AKAIN1: variants seen among roughly 807,000 people sequenced by gnomAD.
AKAIN1 encodes A-kinase anchor protein inhibitor 1.
A neutral mutation model predicts 3.7 loss-of-function variants in AKAIN1; 3 were observed. That is an observed-to-expected ratio of 0.82 (90% CI 0.37 to 2.12). AKAIN1 has a LOEUF of 2.12. Among genes scored for constraint, AKAIN1 ranks in the 30% most tolerant of loss-of-function variants. The pLI, the probability that AKAIN1 is intolerant of heterozygous loss-of-function variation, is 0.06. For synonymous variants in AKAIN1, 31 were observed against 30.8 expected (o/e 1.01, Z -0.02); for missense variants, 82 against 82.7 (o/e 0.99, Z 0.03).
intron 1 of AKAIN1, among the ~76,000 whole-genome samples, chr18:5,191,023 C>T (rs991805027): frequency 5.3e-5 from 8 of 152,084 alleles, no homozygotes; most frequent in African/African-American, 1.9e-4. Context: ...TAGAAGGAAA[C>T]TTCTCTAACC....
chr18:5,147,515 G>A (rs191896069), intron 1 of AKAIN1, among the ~76,000 whole-genome samples: 3 of 152,206 alleles, frequency 2.0e-5, no homozygotes, highest in Admixed American at 6.5e-5. Flanking sequence ...TCCTCTACAC[G>A]AATATGCTCA....
intron 1 of AKAIN1, among the ~76,000 whole-genome samples, chr18:5,171,920 C>A (rs551054149): frequency 6.6e-6 from 1 of 152,022 alleles, no homozygotes; most frequent in Non-Finnish European, 1.5e-5. Context: ...TCCACAAAAG[C>A]CAAGATTTGG....
chr18:5,152,232 C>T (rs1167915314), intron 1 of AKAIN1, among the ~76,000 whole-genome samples: 1 of 152,200 alleles, frequency 6.6e-6, no homozygotes, highest in African/African-American at 2.4e-5. Flanking sequence ...GTTGTTCCTA[C>T]AGACAGGATA....
At chr18:5,187,278 C>A (rs571126216) in intron 1 of AKAIN1, among the ~76,000 whole-genome samples, 1 of 152,198 alleles carries the variant, frequency 6.6e-6, no homozygotes, top group Non-Finnish European at 1.5e-5. Context: ...AACTAATAAA[C>A]CTGTAGCCAC....
chr18:5,167,362 T>C (rs1043403521), intron 1 of AKAIN1, among the ~76,000 whole-genome samples: 1 of 152,090 alleles, frequency 6.6e-6, no homozygotes. Flanking sequence ...AACCAATCAC[T>C]GGCAATGGAA....
chr18:5,145,573 C>T lies in AKAIN1; in HGVS notation c.199G>A (p.Glu67Lys), dbSNP rs941724144. The change falls in exon 2 of 2, where the codon GAA (glutamate) becomes AAA (lysine). Residue 67 changes from glutamate to lysine, a missense_variant. Transcript: ENST00000434239. ...LGVGELTKKHEKK is the reference protein window; with the variant it reads ...LGVGELTKKHKKK ...CCAAATCCACCATGTTACTTCTTTT[C>T]GTGCTTCTTGGTTAACTCCCCAACG... 48 of 1,551,138 alleles carry T rather than the reference C, an allele frequency of 3.1e-5. No individual in the cohort carries two copies. Among genetic ancestry groups the T allele is most frequent in the Non-Finnish European group, 3.8e-5 (44 of 1,146,834 alleles).
chr18:5,183,850 CAT>C (rs143826826), intron 1 of AKAIN1, among the ~76,000 whole-genome samples: 4,300 of 152,144 alleles, frequency 0.028, 132 homozygotes, highest in East Asian at 0.1. Context: ...CCTTACTTAA[CAT>C]ATGCTGTTGA....
rs1165624682 is a variant in AKAIN1 at position 5,192,431 on chromosome 18, TTC to T, written c.16+4605_16+4606del. On this transcript the variant is annotated intron_variant, in intron 1 of 1. Coordinates refer to ENST00000434239, the MANE Select transcript of AKAIN1 (RefSeq NM_001145194.2). ...TTTCTTTCTTTCTTTCTTTCTTTCTTTCTTTCTTTCTTTCTTTTTCTTTTCTT... is the reference window on the plus strand; with the variant it reads ...TTTCTTTCTTTCTTTCTTTCTTTCTTTTTCTTTCTTTCTTTTTCTTTTCTT... Among the ~76,000 whole-genome samples the T allele has an allele frequency of 3.4e-5, 4 of 118,330 alleles. 1 individual carries two copies. The highest frequency in any genetic ancestry group is 7.6e-3 in the Middle Eastern group (2 of 262). The allele number at this position is 118,330 out of a possible 152,430, so 77.6% of individuals were successfully genotyped here.
intron 1 of AKAIN1, among the ~76,000 whole-genome samples, chr18:5,154,383 A>G (rs1283393973): frequency 6.6e-6 from 1 of 152,122 alleles, no homozygotes; most frequent in African/African-American, 2.4e-5. Context: ...GTTCAGAGAG[A>G]CTTAAAAGGC....
chr18:5,160,768 G>A (rs946717154), intron 1 of AKAIN1, among the ~76,000 whole-genome samples: 39 of 152,032 alleles, frequency 2.6e-4, no homozygotes, highest in African/African-American at 8.2e-4. Context: ...CTGTATTTTC[G>A]TATGAATAGT....
chr18:5,150,830 T>C (rs889246400), intron 1 of AKAIN1, among the ~76,000 whole-genome samples: 1 of 152,260 alleles, frequency 6.6e-6, no homozygotes, highest in African/African-American at 2.4e-5. Context: ...ATTGTGCTTC[T>C]AATGACCATT....
chr18:5,148,392 CA>C (rs2071061267), intron 1 of AKAIN1, among the ~76,000 whole-genome samples: 1 of 152,126 alleles, frequency 6.6e-6, no homozygotes, highest in South Asian at 2.1e-4. Flanking sequence ...CAAAAGAGAG[CA>C]AAAGAGAAAA....
At chr18:5,164,137 C>T (rs562578318) in intron 1 of AKAIN1, among the ~76,000 whole-genome samples, 27 of 152,022 alleles carry the variant, frequency 1.8e-4, no homozygotes, top group South Asian at 6.2e-4. Context: ...TGAAAAAGTA[C>T]AGTGAAAAAA....
At chr18:5,162,625 CGTGTGTGTGTGTGT>C (rs150673471) in intron 1 of AKAIN1, among the ~76,000 whole-genome samples, 7 of 145,776 alleles carry the variant, frequency 4.8e-5, no homozygotes, top group South Asian at 2.2e-4. Context: ...CAATGTGATG[CGTGTGTGTGTGTGT>C]GTGTGTGTGT....
chr18:5,180,495 C>T (rs2071251692), intron 1 of AKAIN1, among the ~76,000 whole-genome samples: 1 of 152,048 alleles, frequency 6.6e-6, no homozygotes, highest in Non-Finnish European at 1.5e-5. Flanking sequence ...TAGCACTGTC[C>T]TATAGGCACA....
intron 1 of AKAIN1, among the ~76,000 whole-genome samples, chr18:5,174,759 C>A (rs1343295724): frequency 6.6e-6 from 1 of 151,990 alleles, no homozygotes; most frequent in South Asian, 2.1e-4. Flanking sequence ...ATGTAGAAAG[C>A]AATTGTCTCA....
At chr18:5,164,990 G>C (rs116277346) in intron 1 of AKAIN1, among the ~76,000 whole-genome samples, 1,739 of 152,070 alleles carry the variant, frequency 0.011, 31 homozygotes, top group African/African-American at 0.037. Flanking sequence ...TCTATGATTT[G>C]AATTTACTGC....
chr18:5,169,363 G>A (rs2071184834), intron 1 of AKAIN1, among the ~76,000 whole-genome samples: 1 of 152,102 alleles, frequency 6.6e-6, no homozygotes, highest in African/African-American at 2.4e-5. Flanking sequence ...GCCTAGCCAA[G>A]TTGACACAAA....
chr18:5,179,892 G>A (rs1275715615), intron 1 of AKAIN1, among the ~76,000 whole-genome samples: 2 of 152,110 alleles, frequency 1.3e-5, no homozygotes, highest in Non-Finnish European at 2.9e-5. Flanking sequence ...AAAAGGACAT[G>A]ACAAAAGGAC....
Sources: gnomAD v4.1 joint callset for allele counts (sites outside exome capture counted in the v4.1 genomes callset) on GRCh38, gnomAD v4.1.1 for gene constraint, MANE v1.5 for transcripts, NCBI Gene and HGNC (gene_info 2026-07-23, HGNC 2026-07-21) for gene names.